RAB44: variants seen among roughly 807,000 people sequenced by gnomAD.
RAB44 encodes RAB44, member RAS oncogene family.
A neutral mutation model predicts 93.3 loss-of-function variants in RAB44; 67 were observed. That is an observed-to-expected ratio of 0.72 (90% CI 0.59 to 0.88). The LOEUF is 0.88. Among genes scored for constraint, RAB44 ranks in the 40% least tolerant of loss-of-function variants. RAB44 has a pLI of 0.00. For missense variants in RAB44, 1,064 were observed against 1,261.7 expected (o/e 0.84, Z 2.37); for synonymous variants, 427 against 520.3 (o/e 0.82, Z 2.44).
intron 13 of RAB44, among the ~76,000 whole-genome samples, chr6:36,730,998 T>G (rs1763352246): frequency 6.6e-6 from 1 of 152,054 alleles, no homozygotes; most frequent in African/African-American, 2.4e-5. Flanking sequence ...ACTTAGGCTC[T>G]CTGAGCCTCA....
chr6:36,704,484 G>A (rs1037405277), intron 2 of RAB44, 42 bp downstream of exon 2: 114 of 1,510,978 alleles, frequency 7.5e-5, no homozygotes, highest in Admixed American at 1.6e-4. Context: ...TCCCTTTTCC[G>A]CAGCTCCTGA....
At chr6:36,711,470 A>G (rs182441405) in intron 2 of RAB44, among the ~76,000 whole-genome samples, 3 of 152,348 alleles carry the variant, frequency 2.0e-5, no homozygotes, top group African/African-American at 7.2e-5. Flanking sequence ...CAATTATTAA[A>G]CCAGTCTAAT....
At chr6:36,720,324 G>T in intron 7 of RAB44, 39 bp from the exon 8 acceptor site, 5 of 1,231,476 alleles carry the variant, frequency 4.1e-6, no homozygotes, top group Non-Finnish European at 5.1e-6. Flanking sequence ...GCCCTGGAGG[G>T]CATCTGGGCT....
chr6:36,720,356 C>A lies in RAB44; in HGVS notation c.829-7C>A. 8.1e-7 allele frequency: 1 copy of A among 1,232,362 alleles called. No homozygotes were observed. The highest frequency in any genetic ancestry group is 1.0e-6 in the Non-Finnish European group (1 of 988,126). The allele number at this position is 1,232,362 out of a possible 1,614,324, so 76.3% of individuals were successfully genotyped here. A position where few individuals can be genotyped will look rare whatever the true frequency, so the allele number is the denominator to read the frequency against. On this transcript the variant is annotated splice_polypyrimidine_tract_variant and splice_region_variant and intron_variant, in intron 7 of 13. Transcript: ENST00000612677. ...GGCTTCTCTCCGCCTCACCCTCCAC[C>A]CTGCAGCTGGAGGCCCAGCTCTCCC...
chr6:36,721,216 C>T lies in RAB44; in HGVS notation c.1082C>T (p.Pro361Leu). The T allele has an allele frequency of 8.1e-7, 1 of 1,234,378 alleles. No homozygotes were observed. The highest frequency in any genetic ancestry group is 1.0e-6 in the Non-Finnish European group (1 of 988,150). The allele number at this position is 1,234,378 out of a possible 1,614,324, so 76.5% of individuals were successfully genotyped here. A position where few individuals can be genotyped will look rare whatever the true frequency, so the allele number is the denominator to read the frequency against. Residue 361 changes from proline to leucine, a missense_variant, in exon 9 of 14, where the codon CCT becomes CTT. Coordinates refer to ENST00000612677, the MANE Select transcript of RAB44 (RefSeq NM_001257357.2). ...GCCTCCCCTGAGGAGGCCCCCCTGC[C>T]TGGGCTATTTGGGGACAACGATGAC... ...QAASPEEAPL[P>L]GLFGDNDDWD... is the part of the protein sequence containing the mutation.
intron 2 of RAB44, 28 bp downstream of exon 2, chr6:36,704,470 T>C: frequency 7.2e-6 from 11 of 1,520,756 alleles, no homozygotes; most frequent in Non-Finnish European, 9.7e-6. Flanking sequence ...ATTTGAATGC[T>C]GAATCCCTTT....
In RAB44 at chr6:36,721,235, C is replaced by A. The variant is rs1018075279; in HGVS notation, c.1101C>A (p.Asn367Lys). Residue 367 changes from asparagine (N) to lysine (K), a missense_variant, in exon 9 of 14, where the codon AAC (asparagine) becomes AAA (lysine). Asn to Lys is a moderately conservative substitution (Grantham distance 94). Coordinates refer to ENST00000612677, the MANE Select transcript of RAB44 (RefSeq NM_001257357.2). ...EAPLPGLFGD[N>K]DDWDQLLSNF... Reference sequence around the variant, plus strand: ...CCCTGCCTGGGCTATTTGGGGACAACGATGACTGGGACCAGCTACTGAGCA... The same window carrying A: ...CCCTGCCTGGGCTATTTGGGGACAAAGATGACTGGGACCAGCTACTGAGCA... 2 of 1,228,308 alleles carry A rather than the reference C, an allele frequency of 1.6e-6. No homozygotes were observed. The highest frequency in any genetic ancestry group is 2.0e-6 in the Non-Finnish European group (2 of 987,532). 76.1% of individuals were successfully genotyped at this position (1,228,308 alleles called of 1,614,324 possible).
chr6:36,718,144 C>G, intron 6 of RAB44, 26 bp downstream of exon 6: 1 of 1,224,456 alleles, frequency 8.2e-7, no homozygotes, highest in Non-Finnish European at 1.0e-6. Flanking sequence ...CAGCCTGCCT[C>G]CTTCCCACTG....
intron 8 of RAB44, among the ~76,000 whole-genome samples, 166 bp from the exon 9 acceptor site, chr6:36,720,985 G>A (rs1017772316): frequency 7.2e-5 from 11 of 152,204 alleles, no homozygotes; most frequent in African/African-American, 2.7e-4. Context: ...ATTGGATGAG[G>A]AGGAGGAATG....
intron 9 of RAB44, among the ~76,000 whole-genome samples, chr6:36,723,506 G>A (rs1763149411): frequency 6.6e-6 from 1 of 152,030 alleles, no homozygotes; most frequent in Non-Finnish European, 1.5e-5. Context: ...AAAAGTATCA[G>A]GATATGTGGC....
At chr6:36,701,187 G>A (rs961113962) in intron 1 of RAB44, among the ~76,000 whole-genome samples, 13 of 152,090 alleles carry the variant, frequency 8.5e-5, no homozygotes, top group African/African-American at 2.9e-4. Context: ...TTGGCTCACT[G>A]CAACCTCTGC....
At position 36,722,370 on chromosome 6, in the gene RAB44, C is replaced by T. The variant is rs1409607698; in HGVS notation, c.2236C>T (p.Pro746Ser). The change falls in exon 9 of 14, where the codon CCT becomes TCT. Residue 746 changes from proline to serine, a missense_variant. Coordinates refer to ENST00000612677, the MANE Select transcript of RAB44 (RefSeq NM_001257357.2). ...PGKSAPPRGS[P>S]PRGAQPGAGA... ...AAAATCGGCACCTCCAAGGGGCTCT[C>T]CTCCCAGGGGGGCTCAGCCTGGGGC... 4 of 1,349,804 alleles carry T rather than the reference C, an allele frequency of 3.0e-6. No individual in the cohort carries two copies. The highest frequency in any genetic ancestry group is 1.9e-4 in the Middle Eastern group (1 of 5,278). 83.6% of individuals were successfully genotyped at this position (1,349,804 alleles called of 1,614,324 possible). A position where few individuals can be genotyped will look rare whatever the true frequency, so the allele number is the denominator to read the frequency against.
At chr6:36,711,571 G>C (rs6457944) in intron 2 of RAB44, among the ~76,000 whole-genome samples, 32,864 of 152,148 alleles carry the variant, frequency 0.22, 6,510 homozygotes, top group African/African-American at 0.53. Context: ...TTAAGTCTAA[G>C]TCATTTAAAG....
chr6:36,713,770 T>C (rs2150331307), intron 2 of RAB44, 58 bp from the exon 3 acceptor site: 1 of 1,071,814 alleles, frequency 9.3e-7, no homozygotes, highest in African/African-American at 1.6e-5. Context: ...CTCTCCGTTT[T>C]GGAGGGTGAG....
At chr6:36,709,222 A>G (rs1203078136) in intron 2 of RAB44, among the ~76,000 whole-genome samples, 1 of 152,172 alleles carries the variant, frequency 6.6e-6, no homozygotes, top group Non-Finnish European at 1.5e-5. Flanking sequence ...AAGTGCTGGG[A>G]TTACAGGCAT....
chr6:36,727,747 T>C, intron 11 of RAB44, 56 bp downstream of exon 11: 1 of 1,059,472 alleles, frequency 9.4e-7, no homozygotes. Flanking sequence ...AGGGATCTTA[T>C]ATCCTGCCCA....
chr6:36,715,509 A>G lies in RAB44; in HGVS notation c.350A>G (p.His117Arg). The G allele has an allele frequency of 6.5e-7, 1 of 1,536,084 alleles. No individual in the cohort carries two copies. Among genetic ancestry groups the G allele is most frequent in the Non-Finnish European group, 8.7e-7 (1 of 1,146,880 alleles). The change falls in exon 4 of 14, where the codon CAC becomes CGC. Residue 117 changes from histidine to arginine, a missense_variant. By Grantham distance (29) the His-to-Arg change is conservative. Transcript: ENST00000612677. ...KNIFGSSQSP[H>R]RLRRRKPLPS... ...ATCTTTGGCTCCAGCCAGAGCCCCC[A>G]CAGGCTCCGCAGAAGGAAGCCACTG...
chr6:36,700,178 C>T (rs1436000654), intron 1 of RAB44, among the ~76,000 whole-genome samples: 1 of 152,218 alleles, frequency 6.6e-6, no homozygotes. Flanking sequence ...AATTATCTTG[C>T]TTAATCCTCG....
chr6:36,705,015 G>T (rs1488880061), intron 2 of RAB44, among the ~76,000 whole-genome samples: 1 of 151,736 alleles, frequency 6.6e-6, no homozygotes, highest in Non-Finnish European at 1.5e-5. Flanking sequence ...AGCTACTTGG[G>T]AGGCTGAAGC....
Sources: allele counts gnomAD v4.1 joint callset (sites outside exome capture counted in the v4.1 genomes callset), GRCh38; gene constraint gnomAD v4.1.1; transcripts MANE v1.5; gene names NCBI Gene and HGNC (gene_info 2026-07-23, HGNC 2026-07-21).